Variants in PCGF5 observed in about 807,000 individuals in gnomAD.
The protein encoded by PCGF5 is polycomb group ring finger 5.
In PCGF5, 9 loss-of-function variants were observed where a neutral mutation model predicts 44.3. The observed-to-expected ratio is 0.20, with a 90% CI of 0.12 to 0.35. PCGF5 has a LOEUF of 0.35. Among genes scored for constraint, PCGF5 ranks in the 10% least tolerant of loss-of-function variants. The pLI is 1.00. For synonymous variants in PCGF5, 95 were observed against 102.5 expected, an observed-to-expected ratio of 0.93 and a Z score of 0.44; for missense variants, 146 against 305.3, an observed-to-expected ratio of 0.48 and a Z score of 3.89.
intron 5 of PCGF5, among the ~76,000 whole-genome samples, chr10:91,250,497 CT>C (rs56288334): frequency 1.5e-3 from 197 of 132,088 alleles, no homozygotes; most frequent in Middle Eastern, 3.8e-3. Flanking sequence ...CTGGTTTTTT[CT>C]TTTTTTTTTT....
chr10:91,227,682 A>C, intron 2 of PCGF5: 1 of 1,048,244 alleles, frequency 9.5e-7, no homozygotes, highest in Non-Finnish European at 1.2e-6. Context: ...CCCACCCTAA[A>C]ATTTCCTAAA....
Position 91,284,234 on chromosome 10 carries a change from TTTG to T in PCGF5, c.*5921_*5923del, listed in dbSNP as rs1846524230. The T allele has an allele frequency of 6.6e-6, 1 of 152,604 alleles. No individual in the cohort carries two copies. The highest frequency in any genetic ancestry group is 2.4e-5 in the African/African-American group (1 of 41,424). 9.5% of individuals were successfully genotyped at this position (152,604 alleles called of 1,614,324 possible). ...TTTCACCATGTTAAAATACAGTATC[TTTG>T]TTATTAAAAATTAAATTGCATAATT... On this transcript the variant is annotated 3_prime_UTR_variant, in exon 10 of 10. Transcript: ENST00000336126.
intron 8 of PCGF5, among the ~76,000 whole-genome samples, chr10:91,268,800 C>T (rs1846106609): frequency 6.6e-6 from 1 of 152,142 alleles, no homozygotes; most frequent in African/African-American, 2.4e-5. Flanking sequence ...CAGGCTAAGC[C>T]TGTTTTCTAT....
intron 1 of PCGF5, among the ~76,000 whole-genome samples, chr10:91,211,607 A>G (rs1203435267): frequency 6.6e-6 from 1 of 152,222 alleles, no homozygotes; most frequent in African/African-American, 2.4e-5. Flanking sequence ...CTATCTTCAT[A>G]GGAAGAGAGA....
rs1350144301 is a variant in PCGF5, at chr10:91,233,649, G to A, written c.113-6835G>A. Among the ~76,000 whole-genome samples, 3 of 152,258 alleles carry A rather than the reference G, an allele frequency of 2.0e-5. No homozygotes were observed. In the East Asian group the frequency reaches 5.8e-4, roughly 29 times the overall value. ...CAGCTATTCTGGATTTTTTAAATTAGTGTTAGTTTCACGTGTAAGAATAGG... is the reference window on the plus strand; with the variant it reads ...CAGCTATTCTGGATTTTTTAAATTAATGTTAGTTTCACGTGTAAGAATAGG... On this transcript the variant is annotated intron_variant, in intron 2 of 9. Coordinates refer to ENST00000336126, the MANE Select transcript of PCGF5 (RefSeq NM_032373.5).
chr10:91,202,225 G>A (rs556192916), intron 1 of PCGF5, among the ~76,000 whole-genome samples: 176 of 152,310 alleles, frequency 1.2e-3, no homozygotes, highest in African/African-American at 4.2e-3. Context: ...CGATGTATCT[G>A]TTTTTATGGT....
At chr10:91,235,038 G>A (rs1410689092) in intron 2 of PCGF5, among the ~76,000 whole-genome samples, 1 of 152,198 alleles carries the variant, frequency 6.6e-6, no homozygotes, top group East Asian at 1.9e-4. Context: ...TTAGCAGAGA[G>A]CCAAATCCTG....
intron 1 of PCGF5, among the ~76,000 whole-genome samples, chr10:91,195,634 A>G (rs1238359385): frequency 6.9e-6 from 1 of 144,144 alleles, no homozygotes; most frequent in Non-Finnish European, 1.5e-5. Context: ...TGAGGTTCTC[A>G]CTGTGTTACC....
At chr10:91,200,088 G>C (rs1839837895) in intron 1 of PCGF5, among the ~76,000 whole-genome samples, 1 of 152,200 alleles carries the variant, frequency 6.6e-6, no homozygotes, top group Admixed American at 6.5e-5. Context: ...CATCCTCCTT[G>C]ACTGAGGGCT....
At chr10:91,201,331 A>G (rs1341099475) in intron 1 of PCGF5, among the ~76,000 whole-genome samples, 2 of 152,144 alleles carry the variant, frequency 1.3e-5, no homozygotes, top group African/African-American at 2.4e-5. Context: ...ATGTAAAGCC[A>G]CTAGTCCTAT....
At chr10:91,266,175 G>T (rs1449238425) in intron 8 of PCGF5, among the ~76,000 whole-genome samples, 1 of 152,110 alleles carries the variant, frequency 6.6e-6, no homozygotes, top group African/African-American at 2.4e-5. Flanking sequence ...TGTAACTTCA[G>T]CTTTCTTTGA....
intron 7 of PCGF5, among the ~76,000 whole-genome samples, chr10:91,262,325 A>G (rs1001494653): frequency 6.6e-6 from 1 of 152,018 alleles, no homozygotes; most frequent in Non-Finnish European, 1.5e-5. Context: ...ACTCAGGAGG[A>G]CAAGGCAAGA....
At chr10:91,178,734 A>G (rs867438830) in intron 1 of PCGF5, among the ~76,000 whole-genome samples, 1 of 150,424 alleles carries the variant, frequency 6.6e-6, no homozygotes, top group African/African-American at 2.5e-5. Context: ...GAGTTTAAAC[A>G]TAATTTTCAT....
chr10:91,201,586 C>T (rs2133234856), intron 1 of PCGF5, among the ~76,000 whole-genome samples: 1 of 152,246 alleles, frequency 6.6e-6, no homozygotes, highest in Admixed American at 6.5e-5. Context: ...TTCTCCCCTC[C>T]TCCCTCCACC....
chr10:91,185,601 C>A (rs1843908116), intron 1 of PCGF5, among the ~76,000 whole-genome samples: 2 of 152,202 alleles, frequency 1.3e-5, no homozygotes, highest in African/African-American at 2.4e-5. Flanking sequence ...GTTACTTTTG[C>A]CAGGAAGCCC....
intron 1 of PCGF5, among the ~76,000 whole-genome samples, chr10:91,182,198 G>A (rs185794583): frequency 1.1e-3 from 170 of 151,472 alleles, no homozygotes; most frequent in African/African-American, 3.6e-3. Flanking sequence ...AATAGTTCCC[G>A]TAGGAATGGT....
intron 6 of PCGF5, among the ~76,000 whole-genome samples, chr10:91,255,590 A>G (rs901486344): frequency 6.6e-6 from 1 of 152,134 alleles, no homozygotes; most frequent in Non-Finnish European, 1.5e-5. Flanking sequence ...TCTCTGTTCC[A>G]TTATTAGCTG....
the PCGF5 span, among the ~76,000 whole-genome samples, chr10:91,157,378 T>C: frequency 6.6e-6 from 1 of 152,198 alleles, no homozygotes; most frequent in Non-Finnish European, 1.5e-5. Flanking sequence ...ATTTTATTGA[T>C]AGTCTGAATG....
At chr10:91,179,735 T>C (rs1170504552) in intron 1 of PCGF5, among the ~76,000 whole-genome samples, 1 of 152,240 alleles carries the variant, frequency 6.6e-6, no homozygotes, top group African/African-American at 2.4e-5. Context: ...ACTTTTTGTT[T>C]ATCCAGTCTG....
Sources: gnomAD v4.1 joint callset for allele counts (sites outside exome capture counted in the v4.1 genomes callset) on GRCh38, gnomAD v4.1.1 for gene constraint, MANE v1.5 for transcripts, NCBI Gene and HGNC (gene_info 2026-07-23, HGNC 2026-07-21) for gene names.